Variants in DDHD1 observed in about 807,000 individuals in gnomAD.
DDHD1 encodes DDHD domain containing 1.
Under a neutral mutation model 96.4 loss-of-function variants are expected in DDHD1, and 49 were observed. The observed-to-expected ratio is 0.51, with a 90% CI of 0.40 to 0.64. DDHD1 has a LOEUF of 0.64. DDHD1 is among the 30% of genes least tolerant of loss of function. The pLI, the probability that DDHD1 is intolerant of heterozygous loss-of-function variation, is 0.00. For missense variants in DDHD1, 1,106 were observed against 1,161.2 expected (o/e 0.95, Z 0.69); for synonymous variants, 442 against 446.5 (o/e 0.99, Z 0.13).
intron 1 of DDHD1, among the ~76,000 whole-genome samples, chr14:53,133,979 A>G (rs137993002): frequency 1.3e-5 from 2 of 152,316 alleles, no homozygotes; most frequent in East Asian, 1.9e-4. Flanking sequence ...AGCTGTGTCC[A>G]TCGGACAGCC....
At chr14:53,062,918 T>C (rs1332893224) in intron 7 of DDHD1, 25 bp downstream of exon 7, 1 of 1,601,056 alleles carries the variant, frequency 6.2e-7, no homozygotes, top group Non-Finnish European at 8.5e-7. Context: ...ATTTAAAAAT[T>C]TTTCAAAAGA....
At chr14:53,057,968 G>T (rs1410049548) in intron 9 of DDHD1, among the ~76,000 whole-genome samples, 1 of 151,754 alleles carries the variant, frequency 6.6e-6, no homozygotes, top group East Asian at 1.9e-4. Flanking sequence ...TATTGCCTCA[G>T]CCTCCCGAGT....
intron 6 of DDHD1, among the ~76,000 whole-genome samples, chr14:53,065,615 T>C (rs1418634780): frequency 2.0e-5 from 3 of 152,166 alleles, no homozygotes; most frequent in Non-Finnish European, 4.4e-5. Context: ...CCCCTAACCA[T>C]GACTTTTCAG....
chr14:53,098,082 T>C (rs1887021815), intron 2 of DDHD1, among the ~76,000 whole-genome samples: 1 of 151,762 alleles, frequency 6.6e-6, no homozygotes, highest in Non-Finnish European at 1.5e-5. Context: ...AAAAAAAGAG[T>C]TTACTATCGA....
chr14:53,140,224 C>T (rs1468645962), intron 1 of DDHD1, among the ~76,000 whole-genome samples: 5 of 152,098 alleles, frequency 3.3e-5, no homozygotes, highest in Non-Finnish European at 5.9e-5. Flanking sequence ...AACATACATA[C>T]GTAATTGAAA....
chr14:53,097,108 C>T (rs906090221), intron 2 of DDHD1, among the ~76,000 whole-genome samples: 4 of 151,950 alleles, frequency 2.6e-5, no homozygotes, highest in African/African-American at 9.7e-5. Context: ...TAATAAATTA[C>T]AGGATCTTTA....
At chr14:53,146,931 GTTTTTTT>G (rs1157662966) in intron 1 of DDHD1, among the ~76,000 whole-genome samples, 4 of 144,948 alleles carry the variant, frequency 2.8e-5, no homozygotes, top group African/African-American at 5.0e-5. Context: ...AATGCTGACA[GTTTTTTT>G]TTTTTTTTTT....
Position 53,068,243 on chromosome 14 carries a change from C to CTTT in DDHD1, c.1503+4351_1503+4353dup, listed in dbSNP as rs55662153. Among the ~76,000 whole-genome samples the CTTT allele has an allele frequency of 5.1e-4, 53 of 104,444 alleles. 3 individuals are homozygous for CTTT. The highest frequency in any genetic ancestry group is 1.8e-3 in the African/African-American group (46 of 25,728). The allele number at this position is 104,444 out of a possible 152,430, so 68.5% of individuals were successfully genotyped here. On this transcript the variant is annotated intron_variant, in intron 6 of 12. Transcript: ENST00000673822. ...CCGCAGCCACTCGGCCTTTATGATA[C>CTTT]TTTTTTTTTTTTTTTTTTGAGATGG...
In DDHD1 at chr14:53,139,487, G is replaced by A. The variant is rs546003416; in HGVS notation, c.838+12774C>T. ...GCTATGGGAATTTGAAGCCTGTGGT[G>A]CACTGATAGTAAGTACAGCAATAAT... On this transcript the variant is annotated intron_variant, in intron 1 of 12. Transcript: ENST00000673822. Among the ~76,000 whole-genome samples, 7 of 152,248 alleles carry A rather than the reference G, an allele frequency of 4.6e-5. No homozygotes were observed. In the South Asian group the frequency reaches 6.2e-4, roughly 14 times the overall value.
chr14:53,152,124 A>AGGATGTGTAG, intron 1 of DDHD1, 137 bp downstream of exon 1: 1 of 842,774 alleles, frequency 1.2e-6, no homozygotes, highest in Non-Finnish European at 1.7e-6. Flanking sequence ...CTCCCTGCTC[A>AGGATGTGTAG]ATCTCCATCC....
intron 2 of DDHD1, among the ~76,000 whole-genome samples, chr14:53,095,200 C>T (rs539357084): frequency 1.3e-5 from 2 of 152,234 alleles, no homozygotes; most frequent in Middle Eastern, 3.4e-3. Flanking sequence ...CTTCAGAAAG[C>T]TAAGTACCTT....
At position 53,055,648 on chromosome 14, in the gene DDHD1, A is replaced by G; in HGVS notation, c.2245+12T>C. 6.2e-7 allele frequency: 1 copy of G among 1,613,132 alleles called. No individual in the cohort carries two copies. The highest frequency in any genetic ancestry group is 8.5e-7 in the Non-Finnish European group (1 of 1,179,194). On this transcript the variant is annotated intron_variant, in intron 10 of 12. Transcript: ENST00000673822. Reference sequence around the variant, plus strand: ...TTATATGCATAGATAAGGAATACATAAGAGAAATTACCTAATATGCTTGCT... The same window carrying G: ...TTATATGCATAGATAAGGAATACATGAGAGAAATTACCTAATATGCTTGCT...
At chr14:53,067,767 T>C (rs541399031) in intron 6 of DDHD1, among the ~76,000 whole-genome samples, 76 of 152,320 alleles carry the variant, frequency 5.0e-4, no homozygotes, top group African/African-American at 1.7e-3. Context: ...CAGCCTCTTA[T>C]TTGAAAATAA....
Position 53,153,109 on chromosome 14 carries a change from C to CA in DDHD1, c.-12_-11insT. On this transcript the variant is annotated 5_prime_UTR_variant, in exon 1 of 13. Transcript: ENST00000673822. Reference sequence around the variant, plus strand: ...GCCCGGGTAATTCATGCTGTGGAGACGCCGCCGGCTGTCCGGCGGCGCGCG... The same window carrying CA: ...GCCCGGGTAATTCATGCTGTGGAGACAGCCGCCGGCTGTCCGGCGGCGCGCG... 7.2e-7 allele frequency: 1 copy of CA among 1,382,494 alleles called. No individual in the cohort carries two copies. The allele number at this position is 1,382,494 out of a possible 1,614,324, so 85.6% of individuals were successfully genotyped here. A position where few individuals can be genotyped will look rare whatever the true frequency, so the allele number is the denominator to read the frequency against.
At chr14:53,074,999 G>A (rs1261669763) in intron 4 of DDHD1, among the ~76,000 whole-genome samples, 1 of 152,100 alleles carries the variant, frequency 6.6e-6, no homozygotes, top group African/African-American at 2.4e-5. Context: ...TATGTGGTCT[G>A]ACTGTTCCAC....
At chr14:53,062,803 G>C in intron 7 of DDHD1, 140 bp downstream of exon 7, 1 of 804,528 alleles carries the variant, frequency 1.2e-6, no homozygotes, top group Non-Finnish European at 1.9e-6. Flanking sequence ...TCTCCAGCTT[G>C]ATTAGGCATG....
intron 3 of DDHD1, chr14:53,092,464 T>A (rs1886511439): frequency 6.6e-6 from 1 of 152,186 alleles, no homozygotes; most frequent in Non-Finnish European, 1.5e-5. Context: ...ACTTTAAAAT[T>A]CTTTTTACAT....
At chr14:53,083,773 C>T (rs574079851) in intron 4 of DDHD1, among the ~76,000 whole-genome samples, 1 of 152,246 alleles carries the variant, frequency 6.6e-6, no homozygotes, top group South Asian at 2.1e-4. Context: ...TGGATTTTCC[C>T]ATCTTTCTCT....
At chr14:53,135,774 T>C (rs541648575) in intron 1 of DDHD1, among the ~76,000 whole-genome samples, 43 of 152,318 alleles carry the variant, frequency 2.8e-4, no homozygotes, top group Non-Finnish European at 4.3e-4. Flanking sequence ...TAACACATAA[T>C]GGATTTAATA....
Sources: gnomAD v4.1 joint callset for allele counts (sites outside exome capture counted in the v4.1 genomes callset) on GRCh38, gnomAD v4.1.1 for gene constraint, MANE v1.5 for transcripts, NCBI Gene and HGNC (gene_info 2026-07-23, HGNC 2026-07-21) for gene names.